ARRDC5: variants seen among roughly 807,000 people sequenced by gnomAD.
ARRDC5 encodes the protein arrestin domain-containing protein 5.
ARRDC5 carries 12 observed loss-of-function variants against 13.3 expected under a neutral mutation model. The ratio of observed to expected loss-of-function variants is 0.90; its 90% CI spans 0.58 to 1.46. The LOEUF (loss-of-function observed/expected upper bound fraction) is 1.46. Ranked by LOEUF, ARRDC5 falls within the 40% of genes most tolerant of loss-of-function variation. ARRDC5 has a pLI of 0.00. For synonymous variants in ARRDC5, 181 were observed against 173.4 expected (o/e 1.04, Z -0.34); for missense variants, 406 against 418.7 (o/e 0.97, Z 0.26).
At chr19:4,916,266 A>G in the ARRDC5 span, among the ~76,000 whole-genome samples, 1 of 151,680 alleles carries the variant, frequency 6.6e-6, no homozygotes, top group East Asian at 1.9e-4. Context: ...AGATTGTACC[A>G]CTGCATTCCA....
chr19:4,916,756 G>A, the ARRDC5 span, among the ~76,000 whole-genome samples: 24 of 152,282 alleles, frequency 1.6e-4, no homozygotes, highest in African/African-American at 4.6e-4. Context: ...TGAGGTTGTC[G>A]CAGAGGCGCT....
the ARRDC5 span, among the ~76,000 whole-genome samples, chr19:4,916,075 T>G: frequency 6.6e-6 from 1 of 152,120 alleles, no homozygotes; most frequent in African/African-American, 2.4e-5. Flanking sequence ...TTTGGGAGGC[T>G]GAGGCGAGGA....
At position 4,896,694 on chromosome 19, in the gene ARRDC5, A is replaced by C. The variant is rs966708052; in HGVS notation, c.436T>G (p.Phe146Val). 1 of 1,613,202 alleles carries C rather than the reference A, an allele frequency of 6.2e-7. No homozygotes were observed. Among genetic ancestry groups the C allele is most frequent in the African/African-American group, 1.3e-5 (1 of 74,960 alleles). Residue 146 changes from phenylalanine to valine, a missense_variant, in exon 2 of 3, where the codon TTC (phenylalanine) becomes GTC (valine). Transcript: ENST00000650722. Reference sequence around the variant, plus strand: ...ACCTGGAATGGGGTTTCTTTGTGGAAGGTGGAAGTTCCTTGAACCAATAAG... The same window carrying C: ...ACCTGGAATGGGGTTTCTTTGTGGACGGTGGAAGTTCCTTGAACCAATAAG... Reference protein sequence around the residue: ...MYLLVQGTSTFHKETPFQNPL... With the variant: ...MYLLVQGTSTVHKETPFQNPL...
chr19:4,904,419 T>C (rs1187475192), upstream of ARRDC5, among the ~76,000 whole-genome samples: 1 of 152,184 alleles, frequency 6.6e-6, no homozygotes, highest in African/African-American at 2.4e-5. Flanking sequence ...GACCTCGTGA[T>C]CCGCCCACCT....
chr19:4,910,728 G>A, the ARRDC5 span: 1 of 860,328 alleles, frequency 1.2e-6, no homozygotes, highest in African/African-American at 1.7e-5. Context: ...CCTGGCCAGG[G>A]TCTGGCTGTA....
Position 4,899,980 on chromosome 19 carries a change from A to G in ARRDC5, c.253+2593T>C, listed in dbSNP as rs993119964. Among the ~76,000 whole-genome samples the G allele has an allele frequency of 2.9e-5, 4 of 137,504 alleles. No homozygotes were observed. In the South Asian group the frequency reaches 9.8e-4, roughly 34 times the overall value. 90.2% of individuals were successfully genotyped at this position (137,504 alleles called of 152,430 possible). A position where few individuals can be genotyped will look rare whatever the true frequency, so the allele number is the denominator to read the frequency against. The stretch of plus-strand genomic sequence containing the variant: ...AAAAGAAAAGAAAACAACTAGCAAC[A>G]TTTTTTTTTTCTGAGACTGAATCTC... On this transcript the variant is annotated intron_variant, in intron 1 of 2. Transcript: ENST00000650722.
the ARRDC5 span, among the ~76,000 whole-genome samples, chr19:4,911,201 G>C: frequency 6.6e-6 from 1 of 151,694 alleles, no homozygotes; most frequent in East Asian, 1.9e-4. Context: ...TCAAATGCCT[G>C]CGAGAGGAAG....
chr19:4,906,026 G>C (rs1240731253), upstream of ARRDC5, among the ~76,000 whole-genome samples: 1 of 152,210 alleles, frequency 6.6e-6, no homozygotes, highest in Non-Finnish European at 1.5e-5. Context: ...ACCCAGGCTA[G>C]AGTGCAGTGG....
intron 1 of ARRDC5, among the ~76,000 whole-genome samples, chr19:4,900,224 C>T (rs933218802): frequency 2.0e-5 from 3 of 148,192 alleles, no homozygotes; most frequent in Non-Finnish European, 4.5e-5. Flanking sequence ...CTCGGCTCAC[C>T]GCAAGCTCCG....
chr19:4,902,531 G>GTTCCTGTCATGGCTAGGGGTGGC, intron 1 of ARRDC5, 42 bp downstream of exon 1: 1 of 1,593,618 alleles, frequency 6.3e-7, no homozygotes, highest in Non-Finnish European at 8.6e-7. Context: ...CCAGACCCAG[G>GTTCCTGTCATGGCTAGGGGTGGC]TTCCTGTCAT....
At position 4,890,753 on chromosome 19, in the gene ARRDC5, C is replaced by A; in HGVS notation, c.*293G>T. The A allele has an allele frequency of 2.7e-6, 1 of 366,018 alleles. No individual in the cohort carries two copies. The highest frequency in any genetic ancestry group is 5.0e-6 in the Non-Finnish European group (1 of 199,508). 22.7% of individuals were successfully genotyped at this position (366,018 alleles called of 1,614,324 possible). On this transcript the variant is annotated 3_prime_UTR_variant, in exon 3 of 3. Transcript: ENST00000650722. ...GGGGAGAATTCTCCCCAAGTAGGAC[C>A]CCTGGTCTTGGCACTGTGAGACCCC...
chr19:4,903,256 G>A (rs2656930), upstream of ARRDC5: 36,905 of 177,554 alleles, frequency 0.21, 4,122 homozygotes, highest in East Asian at 0.29. Context: ...CTGACCTCGT[G>A]ATCCACCCAC....
At position 4,896,405 on chromosome 19, in the gene ARRDC5, C is replaced by T. The variant is rs372824723; in HGVS notation, c.459+266G>A. ...ACACACACACACACACACACACACA[C>T]ATATATATAATTTTATTTTAGAGAC... On this transcript the variant is annotated intron_variant, in intron 2 of 2. Coordinates refer to ENST00000650722, the MANE Select transcript of ARRDC5 (RefSeq NM_001080523.3). Among the ~76,000 whole-genome samples the T allele has an allele frequency of 0.22, 22,587 of 104,332 alleles. 3,089 individuals are homozygous for T. The highest frequency in any genetic ancestry group is 0.29 in the Non-Finnish European group (15,829 of 53,960). The allele number at this position is 104,332 out of a possible 152,430, so 68.4% of individuals were successfully genotyped here. A position where few individuals can be genotyped will look rare whatever the true frequency, so the allele number is the denominator to read the frequency against.
intron 2 of ARRDC5, among the ~76,000 whole-genome samples, chr19:4,896,430 C>G (rs912595620): frequency 7.0e-6 from 1 of 143,078 alleles, no homozygotes; most frequent in Non-Finnish European, 1.5e-5. Flanking sequence ...ATTTTAGAGA[C>G]AGGGTCTCAC....
intron 2 of ARRDC5, among the ~76,000 whole-genome samples, chr19:4,892,375 C>T (rs112298600): frequency 0.12 from 18,372 of 150,952 alleles, 1,452 homozygotes; most frequent in Middle Eastern, 0.2. Flanking sequence ...AGGCATGAGC[C>T]ACTGCATCCA....
the ARRDC5 span, among the ~76,000 whole-genome samples, chr19:4,916,688 C>T: frequency 6.6e-6 from 1 of 152,240 alleles, no homozygotes; most frequent in Non-Finnish European, 1.5e-5. Flanking sequence ...TGTCTAGGAT[C>T]CTCCTGCATC....
the ARRDC5 span, chr19:4,911,023 C>T: frequency 8.7e-6 from 14 of 1,603,902 alleles, no homozygotes; most frequent in South Asian, 7.8e-5. Flanking sequence ...AGAGGCTGTT[C>T]TACAGGGGCA....
chr19:4,914,016 T>C, the ARRDC5 span, among the ~76,000 whole-genome samples: 1 of 152,010 alleles, frequency 6.6e-6, no homozygotes, highest in Non-Finnish European at 1.5e-5. Flanking sequence ...GGTTTCTCCA[T>C]GTTGGTCAGG....
At position 4,893,505 on chromosome 19, in the gene ARRDC5, C is replaced by CA. The variant is rs74173031; in HGVS notation, c.460-1933dup. Among the ~76,000 whole-genome samples, 821 of 136,804 alleles carry CA rather than the reference C, an allele frequency of 6.0e-3. 8 individuals carry two copies. Among genetic ancestry groups the CA allele is most frequent in the African/African-American group, 5.0e-3 (184 of 36,816 alleles). The allele number at this position is 136,804 out of a possible 152,430, so 89.7% of individuals were successfully genotyped here. A position where few individuals can be genotyped will look rare whatever the true frequency, so the allele number is the denominator to read the frequency against. On this transcript the variant is annotated intron_variant, in intron 2 of 2. Transcript: ENST00000650722. ...TGAGCAACAGAGTGAGACTCTGTCT[C>CA]AAAAAAAAAAAGAAAAGAAAAGAAA... is the stretch of plus-strand genomic sequence containing the variant.
Sources: gnomAD v4.1 joint callset for allele counts (sites outside exome capture counted in the v4.1 genomes callset) on GRCh38, gnomAD v4.1.1 for gene constraint, MANE v1.5 for transcripts, NCBI Gene and HGNC (gene_info 2026-07-23, HGNC 2026-07-21) for gene names.